The following SPTBN2 variants were observed in gnomAD, a reference collection of about 807,000 sequenced individuals.
SPTBN2 encodes the protein spectrin beta, non-erythrocytic 2.
Under a neutral mutation model 284.2 loss-of-function variants are expected in SPTBN2, and 107 were observed. The observed-to-expected ratio is 0.38, with a 90% CI of 0.32 to 0.44. The LOEUF is 0.44. Ranked by LOEUF, SPTBN2 falls within the 20% of genes least tolerant of loss-of-function variation. SPTBN2 has a pLI of 1.00. For synonymous variants in SPTBN2, 1,289 were observed against 1,354.8 expected (o/e 0.95, Z 1.07); for missense variants, 2,569 against 3,287.1 (o/e 0.78, Z 5.34).
chr11:66,705,619 C>T, intron 14 of SPTBN2, 65 bp downstream of exon 14: 2 of 1,604,960 alleles, frequency 1.2e-6, no homozygotes, highest in Non-Finnish European at 1.7e-6. Context: ...CCAACCCTTC[C>T]ACCTCGGCTC....
In SPTBN2 at chr11:66,705,826, C is replaced by T; in HGVS notation, c.1665G>A (p.Gln555=). Reference sequence around the variant, plus strand: ...CTAGGTGCCTGCCCAGGTCCTGAGACTGCAGCCGGCCCTGCCAGGCACACA... The same window carrying T: ...CTAGGTGCCTGCCCAGGTCCTGAGATTGCAGCCGGCCCTGCCAGGCACACA... ...DWMEEMKGRL[Q]SQDLGRHLAG... is the part of the protein sequence containing the mutation. The change falls in exon 14 of 38, where the codon CAG becomes CAA. Residue 555 remains glutamine, a synonymous_variant. Coordinates refer to ENST00000533211, the MANE Select transcript of SPTBN2 (RefSeq NM_006946.4). 1 of 1,612,298 alleles carries T rather than the reference C, an allele frequency of 6.2e-7. No individual in the cohort carries two copies. Among genetic ancestry groups the T allele is most frequent in the South Asian group, 1.1e-5 (1 of 90,946 alleles).
Position 66,700,295 on chromosome 11 carries a change from A to C in SPTBN2, c.3573+231T>G, listed in dbSNP as rs1941166978. ...AAAAAATTCTTCTATTTTCTTAAAA[A>C]AATTTTTTTGTAGAGACAAGGTCTT... On this transcript the variant is annotated intron_variant, in intron 17 of 37. Transcript: ENST00000533211. This position sits in a 1 kb window ranked among gnomAD's most constrained non-coding sequence, Gnocchi z 6.6. Among the ~76,000 whole-genome samples the C allele has an allele frequency of 6.6e-6, 1 of 152,062 alleles. No individual in the cohort carries two copies. Among genetic ancestry groups the C allele is most frequent in the Non-Finnish European group, 1.5e-5 (1 of 68,018 alleles).
intron 30 of SPTBN2, 102 bp downstream of exon 30, chr11:66,688,994 G>C: frequency 6.8e-7 from 1 of 1,460,054 alleles, no homozygotes; most frequent in Non-Finnish European, 9.4e-7. Flanking sequence ...TGGGCATCGT[G>C]AGTTTCACAC....
chr11:66,688,063 G>C lies in SPTBN2; in HGVS notation c.6391C>G (p.Pro2131Ala), dbSNP rs747833695. 4.3e-5 allele frequency: 69 copies of C among 1,614,012 alleles called. No individual in the cohort carries two copies. The highest frequency in any genetic ancestry group is 1.6e-4 in the Middle Eastern group (1 of 6,084). Residue 2131 changes from proline to alanine, a missense_variant, in exon 33 of 38, where the codon CCA becomes GCA. Coordinates refer to ENST00000533211, the MANE Select transcript of SPTBN2 (RefSeq NM_006946.4). Reference sequence around the variant, plus strand: ...ACACTGGGTGCTTGTGTGGATGGTGGTGGCCGTGGCTGGGTTCTGGGATGA... The same window carrying C: ...ACACTGGGTGCTTGTGTGGATGGTGCTGGCCGTGGCTGGGTTCTGGGATGA... ...TTWDGTQPRP[P>A]PSTQAPSVNG...
chr11:66,690,434 A>G, intron 27 of SPTBN2, 151 bp from the exon 28 acceptor site: 1 of 1,117,634 alleles, frequency 8.9e-7, no homozygotes, highest in Non-Finnish European at 1.2e-6. Flanking sequence ...GGGAAAGATG[A>G]AGGCAGGGGC....
chr11:66,689,224 G>C, intron 29 of SPTBN2, 44 bp from the exon 30 acceptor site: 1 of 1,574,892 alleles, frequency 6.3e-7, no homozygotes, highest in East Asian at 2.3e-5. Flanking sequence ...CAGGATGTGA[G>C]ATCTTTCCAC....
rs1280126515 is a variant in SPTBN2 at position 66,691,379 on chromosome 11, G to A, written c.5470C>T (p.Leu1824Phe). The stretch of plus-strand genomic sequence containing the variant: ...AGGTCGCGGCCAGTCCCGTCCGGAA[G>A]CTGCTGCTGCTTGTGCTGCACCCGC... ...LARVQHKQQQ[L>F]PDGTGRDLNA... The change falls in exon 27 of 38, where the codon CTT becomes TTT. Residue 1824 changes from leucine to phenylalanine, a missense_variant. Leu to Phe is a conservative substitution (Grantham distance 22). Coordinates refer to ENST00000533211, the MANE Select transcript of SPTBN2 (RefSeq NM_006946.4). The surrounding 1 kb of genome is among the most constrained non-coding windows in gnomAD (Gnocchi z 8.0). The A allele has an allele frequency of 6.3e-7, 1 of 1,596,792 alleles. No individual in the cohort carries two copies. The highest frequency in any genetic ancestry group is 1.3e-5 in the African/African-American group (1 of 74,614).
Position 66,687,558 on chromosome 11 carries a change from G to T in SPTBN2, c.6591C>A (p.Ser2197Arg), listed in dbSNP as rs778388054. 1 of 1,612,158 alleles carries T rather than the reference G, an allele frequency of 6.2e-7. No homozygotes were observed. Among genetic ancestry groups the T allele is most frequent in the Non-Finnish European group, 8.5e-7 (1 of 1,179,958 alleles). Residue 2197 changes from serine to arginine, a missense_variant, in exon 35 of 38, where the codon AGC (serine) becomes AGA (arginine). Physicochemically the swap from Ser to Arg is moderately radical, Grantham distance 110. Coordinates refer to ENST00000533211, the MANE Select transcript of SPTBN2 (RefSeq NM_006946.4). This position sits in a 1 kb window ranked among gnomAD's most constrained non-coding sequence, Gnocchi z 5.2. ...CAGCATGGGCTGACTCGGTAGACCTGCTCTGGGGCATTGCAGATGGGGCCG... is the reference window on the plus strand; with the variant it reads ...CAGCATGGGCTGACTCGGTAGACCTTCTCTGGGGCATTGCAGATGGGGCCG... ...RGPAPSAMPQSRSTESAHAAT... is the reference protein window; with the variant it reads ...RGPAPSAMPQRRSTESAHAAT...
intron 25 of SPTBN2, 102 bp downstream of exon 25, chr11:66,692,868 A>C (rs569844098): frequency 1.9e-6 from 3 of 1,595,850 alleles, no homozygotes; most frequent in African/African-American, 1.3e-5. Flanking sequence ...GCTTTCTAGA[A>C]GGCTCCGTGC....
In SPTBN2 at chr11:66,708,323, T is replaced by C; in HGVS notation, c.1192-24A>G. The C allele has an allele frequency of 1.3e-6, 2 of 1,563,720 alleles. No homozygotes were observed. Among genetic ancestry groups the C allele is most frequent in the Non-Finnish European group, 1.7e-6 (2 of 1,150,464 alleles). On this transcript the variant is annotated intron_variant, in intron 11 of 37. Transcript: ENST00000533211. This position sits in a 1 kb window ranked among gnomAD's most constrained non-coding sequence, Gnocchi z 4.4. ...GCCTATGGGGTGGGGACAGGGTTAG[T>C]GGAAGGGACAGGGTGGGGAGGGCTC...
At chr11:66,736,254 C>T (rs995285912) in intron 1 of SPTBN2, among the ~76,000 whole-genome samples, 3 of 152,070 alleles carry the variant, frequency 2.0e-5, no homozygotes, top group Non-Finnish European at 2.9e-5. Context: ...CTAAGCTGAG[C>T]GATGCTGTGA....
At position 66,687,843 on chromosome 11, in the gene SPTBN2, A is replaced by G; in HGVS notation, c.6501+25T>C. ...TGGACCCTTCGCCTCACAGTTATCAACACCACACTTGCAGGGGAACTCACC... is the reference window on the plus strand; with the variant it reads ...TGGACCCTTCGCCTCACAGTTATCAGCACCACACTTGCAGGGGAACTCACC... On this transcript the variant is annotated intron_variant, in intron 34 of 37. Transcript: ENST00000533211. The surrounding 1 kb of genome is among the most constrained non-coding windows in gnomAD (Gnocchi z 5.2). 7 of 1,613,970 alleles carry G rather than the reference A, an allele frequency of 4.3e-6. No individual in the cohort carries two copies. The highest frequency in any genetic ancestry group is 5.9e-6 in the Non-Finnish European group (7 of 1,179,932).
At chr11:66,698,825 G>C (rs755761702) in intron 19 of SPTBN2, 40 bp from the exon 20 acceptor site, 2 of 1,611,442 alleles carry the variant, frequency 1.2e-6, no homozygotes, top group African/African-American at 1.3e-5. Context: ...CAAGGGAGGG[G>C]AGAGGGGGGC....
rs975401166 is a variant in SPTBN2, at chr11:66,710,640, C to T, written c.1015G>A (p.Gly339Arg). ...AAGGACTGCAGCTGGTTCTGGACCC[C>T]GCTAAGGGAGTTGGCCAACTGCCGG... ...NDRQLANSLS[G>R]VQNQLQSFNS... The change falls in exon 10 of 38, where the codon GGG (glycine) becomes AGG (arginine). Residue 339 changes from glycine (G) to arginine (R), a missense_variant. Around this residue, in one of 6 missense-constraint regions of SPTBN2, gnomAD observed 304 missense variants for 522.1 expected, o/e 0.58. Transcript: ENST00000533211. This position sits in a 1 kb window ranked among gnomAD's most constrained non-coding sequence, Gnocchi z 4.9. The T allele has an allele frequency of 1.2e-5, 20 of 1,613,994 alleles. No individual in the cohort carries two copies. The highest frequency in any genetic ancestry group is 5.0e-5 in the Admixed American group (3 of 59,994).
chr11:66,688,707 C>T lies in SPTBN2; in HGVS notation c.6177G>A (p.Gln2059=). ...ESLIKRHEAF[Q]KSAVAWEERF... Reference sequence around the variant, plus strand: ...GCTCCTCCCAGGCCACTGCTGACTTCTGGAAGGCCTCGTGCCGCTTGATGA... The same window carrying T: ...GCTCCTCCCAGGCCACTGCTGACTTTTGGAAGGCCTCGTGCCGCTTGATGA... The change falls in exon 31 of 38, where the codon CAG becomes CAA. Residue 2059 remains glutamine (Q), a synonymous_variant. Coordinates refer to ENST00000533211, the MANE Select transcript of SPTBN2 (RefSeq NM_006946.4). The T allele has an allele frequency of 6.2e-7, 1 of 1,614,012 alleles. No homozygotes were observed.
intron 15 of SPTBN2, among the ~76,000 whole-genome samples, 174 bp downstream of exon 15, chr11:66,704,424 G>A (rs1941409136): frequency 6.6e-6 from 1 of 152,190 alleles, no homozygotes; most frequent in Non-Finnish European, 1.5e-5. Context: ...GGTTTGTGGT[G>A]AAATGTCTCT....
At position 66,705,274 on chromosome 11, in the gene SPTBN2, C is replaced by T. The variant is rs370857216; in HGVS notation, c.2002G>A (p.Asp668Asn). The change falls in exon 15 of 38, where the codon GAC becomes AAC. Residue 668 changes from aspartate to asparagine, a missense_variant. Around this residue, in one of 6 missense-constraint regions of SPTBN2, gnomAD observed 1,012 missense variants for 1,248.9 expected, o/e 0.81. Transcript: ENST00000533211. ...GCACCGGTCAGGTCTCGGCCCGTGT[C>T]GGCTGAGGCCAGGAGGTGCTGCTGC... ...REQQHLLASA[D>N]TGRDLTGALR... The T allele has an allele frequency of 6.9e-6, 11 of 1,594,676 alleles. No individual in the cohort carries two copies. Among genetic ancestry groups the T allele is most frequent in the East Asian group, 2.3e-5 (1 of 44,136 alleles).
exon 1 of SPTBN2, chr11:66,744,652 C>G (rs1288020815): frequency 2.4e-6 from 1 of 411,664 alleles, no homozygotes; most frequent in Non-Finnish European, 3.5e-6. Flanking sequence ...GGCGGCGGTT[C>G]GCGGTCTCGG....
rs370966491 is a variant in SPTBN2, at chr11:66,721,251, G to A, written c.-11C>T. The A allele has an allele frequency of 1.4e-4, 228 of 1,614,136 alleles. 1 individual carries two copies. Among genetic ancestry groups the A allele is most frequent in the Non-Finnish European group, 1.8e-4 (218 of 1,180,024 alleles). ...CAGCGTGCTGCTCATGGTGGTAGGC[G>A]GCTTCCTGCTCCTGCAAGGAGAATG... On this transcript the variant is annotated 5_prime_UTR_variant, in exon 3 of 38. Transcript: ENST00000533211.
Sources: allele counts gnomAD v4.1 joint callset (sites outside exome capture counted in the v4.1 genomes callset), GRCh38; gene constraint gnomAD v4.1.1; regional missense constraint gnomAD v4.1.1; non-coding constraint Gnocchi (gnomAD v3.1); transcripts MANE v1.5; gene names NCBI Gene and HGNC (gene_info 2026-07-23, HGNC 2026-07-21).